Variants in GALNT13 observed in about 807,000 individuals in gnomAD.
GALNT13 encodes UDP-GalNAc:polypeptide N-acetylgalactosaminyltransferase 13.
GALNT13 carries 28 observed loss-of-function variants against 64.2 expected under a neutral mutation model. That is an observed-to-expected ratio of 0.44 (90% CI 0.32 to 0.60). The LOEUF is 0.60. Ranked by LOEUF, GALNT13 falls within the 20% of genes least tolerant of loss-of-function variation. GALNT13 has a pLI of 0.05. For missense variants in GALNT13, 577 were observed against 669.8 expected (o/e 0.86, Z 1.53); for synonymous variants, 214 against 224.6 (o/e 0.95, Z 0.42).
chr2:154,139,667 T>C (rs1310172834), intron 3 of GALNT13, among the ~76,000 whole-genome samples: 6 of 150,932 alleles, frequency 4.0e-5, no homozygotes. Flanking sequence ...TTGAAACGTA[T>C]ACTTTAGATC....
the GALNT13 span, among the ~76,000 whole-genome samples, chr2:153,709,808 C>T: frequency 2.0e-5 from 3 of 151,880 alleles, no homozygotes; most frequent in African/African-American, 7.3e-5. Context: ...TAATATTCAG[C>T]CTTAAATAAG....
At chr2:154,265,061 G>GA (rs1331393733) in intron 8 of GALNT13, among the ~76,000 whole-genome samples, 4 of 151,470 alleles carry the variant, frequency 2.6e-5, no homozygotes, top group Non-Finnish European at 4.4e-5. Context: ...CCAAATATGG[G>GA]AAAAATAGAG....
the GALNT13 span, among the ~76,000 whole-genome samples, chr2:153,272,535 G>A: frequency 6.6e-6 from 1 of 152,064 alleles, no homozygotes; most frequent in African/African-American, 2.4e-5. Flanking sequence ...TGGTCATTAG[G>A]AGAAATGCAA....
chr2:153,165,503 A>G, the GALNT13 span, among the ~76,000 whole-genome samples: 2 of 152,238 alleles, frequency 1.3e-5, no homozygotes, highest in Non-Finnish European at 2.9e-5. Flanking sequence ...TCTTACGAAA[A>G]AGCAAATTGG....
the GALNT13 span, among the ~76,000 whole-genome samples, chr2:153,430,977 C>T: frequency 6.6e-6 from 1 of 151,660 alleles, no homozygotes; most frequent in Non-Finnish European, 1.5e-5. Context: ...TGGTGAAACC[C>T]CGTCTCTACT....
chr2:153,495,966 T>C, the GALNT13 span, among the ~76,000 whole-genome samples: 1 of 152,152 alleles, frequency 6.6e-6, no homozygotes, highest in African/African-American at 2.4e-5. Flanking sequence ...TGTTAGTGTC[T>C]TGGCAGGCAG....
At chr2:153,090,346 G>A in the GALNT13 span, among the ~76,000 whole-genome samples, 1 of 152,210 alleles carries the variant, frequency 6.6e-6, no homozygotes, top group African/African-American at 2.4e-5. Flanking sequence ...CTCTGGTGGA[G>A]GTGGCAGGGG....
At chr2:153,956,170 A>G (rs1047139233) in intron 3 of GALNT13, among the ~76,000 whole-genome samples, 3 of 152,222 alleles carry the variant, frequency 2.0e-5, no homozygotes, top group African/African-American at 7.2e-5. Context: ...CACTGTTCCC[A>G]CAGACCTCTA....
intron 4 of GALNT13, among the ~76,000 whole-genome samples, chr2:154,204,982 A>G (rs904461215): frequency 1.3e-5 from 2 of 152,200 alleles, no homozygotes; most frequent in Non-Finnish European, 2.9e-5. Context: ...TGCTCAGCAT[A>G]TGTCCCATAT....
intron 7 of GALNT13, among the ~76,000 whole-genome samples, chr2:154,258,549 A>G (rs1364707807): frequency 6.6e-6 from 1 of 152,074 alleles, no homozygotes; most frequent in Non-Finnish European, 1.5e-5. Context: ...AACATTTTAT[A>G]GAATTTAATT....
chr2:154,125,812 A>G (rs1682227357), intron 3 of GALNT13, among the ~76,000 whole-genome samples: 1 of 152,222 alleles, frequency 6.6e-6, no homozygotes, highest in Non-Finnish European at 1.5e-5. Context: ...TAACTACAGG[A>G]AAACTAAATT....
chr2:153,264,685 G>T, the GALNT13 span, among the ~76,000 whole-genome samples: 78 of 152,292 alleles, frequency 5.1e-4, no homozygotes, highest in African/African-American at 1.8e-3. Flanking sequence ...ACTAATGCAG[G>T]AGCTAATGCA....
intron 9 of GALNT13, among the ~76,000 whole-genome samples, chr2:154,301,832 T>C (rs1441672048): frequency 6.6e-6 from 1 of 151,914 alleles, no homozygotes; most frequent in Non-Finnish European, 1.5e-5. Context: ...TGCTGGAAAA[T>C]TGGAGCAAGC....
the GALNT13 span, among the ~76,000 whole-genome samples, chr2:153,642,640 C>G: frequency 6.6e-6 from 1 of 151,828 alleles, no homozygotes; most frequent in African/African-American, 2.4e-5. Flanking sequence ...AACACAAATT[C>G]ACCATTATGA....
chr2:154,418,730 G>A (rs1162221580), intron 11 of GALNT13, among the ~76,000 whole-genome samples: 3 of 152,122 alleles, frequency 2.0e-5, no homozygotes, highest in Non-Finnish European at 4.4e-5. Context: ...GAAATTAAGG[G>A]CTCACAAAGA....
At chr2:153,467,908 A>G in the GALNT13 span, among the ~76,000 whole-genome samples, 1 of 152,070 alleles carries the variant, frequency 6.6e-6, no homozygotes, top group Non-Finnish European at 1.5e-5. Flanking sequence ...TGTGGGAGTA[A>G]GATCTTAACA....
chr2:153,273,522 A>C, the GALNT13 span, among the ~76,000 whole-genome samples: 1 of 152,184 alleles, frequency 6.6e-6, no homozygotes, highest in Non-Finnish European at 1.5e-5. Context: ...TGGATTTGTT[A>C]TCAGTTGAAA....
the GALNT13 span, among the ~76,000 whole-genome samples, chr2:153,637,579 A>G: frequency 2.6e-5 from 4 of 152,174 alleles, no homozygotes; most frequent in Non-Finnish European, 4.4e-5. Flanking sequence ...AGAGAGAAAT[A>G]TAACAGCAAG....
chr2:153,720,626 C>T, the GALNT13 span, among the ~76,000 whole-genome samples: 10 of 151,384 alleles, frequency 6.6e-5, no homozygotes, highest in East Asian at 1.2e-3. Context: ...AGGAGCTGAT[C>T]GAGCTGAAAA....
Sources: allele counts gnomAD v4.1 joint callset (sites outside exome capture counted in the v4.1 genomes callset), GRCh38; gene constraint gnomAD v4.1.1; transcripts MANE v1.5; gene names NCBI Gene and HGNC (gene_info 2026-07-23, HGNC 2026-07-21).